Variants in WDFY3 observed in about 807,000 individuals in gnomAD.
The protein encoded by WDFY3 is WD repeat and FYVE domain-containing protein 3.
Under a neutral mutation model 409.6 loss-of-function variants are expected in WDFY3, and 66 were observed. That is an observed-to-expected ratio of 0.16 (90% CI 0.13 to 0.20). The LOEUF is 0.20. WDFY3 is among the 10% of genes least tolerant of loss of function. WDFY3 has a pLI of 1.00. For synonymous variants in WDFY3, 1,521 were observed against 1,537.1 expected (o/e 0.99, Z 0.25); for missense variants, 3,031 against 4,298.1 (o/e 0.71, Z 8.24).
intron 64 of WDFY3, among the ~76,000 whole-genome samples, chr4:84,679,841 T>TACACACACAC (rs954549793): frequency 2.8e-5 from 4 of 141,248 alleles, no homozygotes; most frequent in African/African-American, 1.1e-4. Flanking sequence ...TATATATATA[T>TACACACACAC]ACACACACAC....
chr4:84,694,203 T>C (rs1051855211), intron 58 of WDFY3, among the ~76,000 whole-genome samples: 5 of 152,244 alleles, frequency 3.3e-5, no homozygotes, highest in South Asian at 2.1e-4. Context: ...ATCAGGCTTC[T>C]ATAAAGATAC....
chr4:84,870,266 T>TA (rs1166870683), intron 3 of WDFY3, among the ~76,000 whole-genome samples: 3 of 152,134 alleles, frequency 2.0e-5, no homozygotes, highest in African/African-American at 4.8e-5. Context: ...CTCCTGTTCT[T>TA]ACACAAAAAA....
intron 13 of WDFY3, among the ~76,000 whole-genome samples, chr4:84,811,901 TA>T (rs1383474320): frequency 1.3e-5 from 2 of 152,214 alleles, no homozygotes; most frequent in Admixed American, 1.3e-4. Flanking sequence ...ATATATACCT[TA>T]TACACATAGC....
At chr4:84,860,854 A>G (rs1402273795) in intron 3 of WDFY3, among the ~76,000 whole-genome samples, 1 of 152,218 alleles carries the variant, frequency 6.6e-6, no homozygotes, top group African/African-American at 2.4e-5. Context: ...CAATTTGTAT[A>G]AAATGTAAAA....
rs545373334 is a variant in WDFY3 at position 84,890,508 on chromosome 4, C to T, written c.-32+6403G>A. Reference sequence around the variant, plus strand: ...AGAGATCCTAGTACCCAGTAATTATCCTGCTGGCTGCTGGGAGGCAGTGCA... The same window carrying T: ...AGAGATCCTAGTACCCAGTAATTATTCTGCTGGCTGCTGGGAGGCAGTGCA... On this transcript the variant is annotated intron_variant, in intron 3 of 67. Transcript: ENST00000295888. 1.5e-3 allele frequency among the ~76,000 whole-genome samples: 228 copies of T among 152,292 alleles called. No homozygotes were observed. In the Middle Eastern group the frequency reaches 0.017, roughly 11 times the overall value.
intron 13 of WDFY3, among the ~76,000 whole-genome samples, chr4:84,813,440 A>G (rs900940736): frequency 3.3e-5 from 5 of 152,158 alleles, no homozygotes; most frequent in African/African-American, 1.2e-4. Context: ...TCAGTTTCTA[A>G]TTATTTTCTG....
At position 84,671,496 on chromosome 4, in the gene WDFY3, A is replaced by T. The variant is rs1725442180; in HGVS notation, c.*1372T>A. 6.7e-6 allele frequency: 1 copy of T among 149,436 alleles called. No individual in the cohort carries two copies. The highest frequency in any genetic ancestry group is 2.1e-4 in the South Asian group (1 of 4,786). 9.3% of individuals were successfully genotyped at this position (149,436 alleles called of 1,614,324 possible). On this transcript the variant is annotated 3_prime_UTR_variant, in exon 68 of 68. Transcript: ENST00000295888. ...TTGTTTCATTTTTAATATATATTAT[A>T]TATATATATATATGTACATAACACA...
chr4:84,916,120 A>G (rs1318724369), intron 2 of WDFY3, among the ~76,000 whole-genome samples: 1 of 152,220 alleles, frequency 6.6e-6, no homozygotes, highest in Non-Finnish European at 1.5e-5. Context: ...GACAAGCTGT[A>G]ATTTCAGAAA....
At chr4:84,755,751 G>A (rs1404364191) in intron 33 of WDFY3, among the ~76,000 whole-genome samples, 2 of 151,980 alleles carry the variant, frequency 1.3e-5, no homozygotes, top group African/African-American at 4.8e-5. Flanking sequence ...TTTAAACAAA[G>A]CACATTAAGC....
intron 3 of WDFY3, among the ~76,000 whole-genome samples, chr4:84,880,882 T>C (rs1157322922): frequency 6.7e-6 from 1 of 150,036 alleles, no homozygotes; most frequent in Non-Finnish European, 1.5e-5. Context: ...CATGCCCAGC[T>C]AATTTATTTA....
At chr4:84,950,676 G>A (rs1199543812) in intron 1 of WDFY3, among the ~76,000 whole-genome samples, 1 of 152,136 alleles carries the variant, frequency 6.6e-6, no homozygotes, top group Non-Finnish European at 1.5e-5. Flanking sequence ...TGTAGTCCCA[G>A]CTACTTGGGA....
At chr4:84,862,845 C>A (rs1760844629) in intron 3 of WDFY3, among the ~76,000 whole-genome samples, 2 of 152,136 alleles carry the variant, frequency 1.3e-5, no homozygotes, top group Non-Finnish European at 2.9e-5. Flanking sequence ...AAAAAATTAG[C>A]CGGGCGTGGT....
chr4:84,796,722 C>T lies in WDFY3; in HGVS notation c.2966G>A (p.Gly989Asp), dbSNP rs1749512435. ...ATGTAAGCTAAAAACATTATCAGTA[C>T]CCAGACCTTCCAGAGATGTGATCAT... ...SSMITSLEGL[G>D]TDNVFSLHED... Residue 989 changes from glycine to aspartate, a missense_variant, in exon 19 of 68, where the codon GGT becomes GAT. Around this residue, in one of 16 missense-constraint regions of WDFY3, gnomAD observed 1,322 missense variants for 1,697.9 expected, o/e 0.78. Coordinates refer to ENST00000295888, the MANE Select transcript of WDFY3 (RefSeq NM_014991.6). 2.5e-6 allele frequency: 4 copies of T among 1,613,720 alleles called. No homozygotes were observed. The highest frequency in any genetic ancestry group is 1.1e-5 in the South Asian group (1 of 91,048).
rs1346552065 is a variant in WDFY3 at position 84,696,201 on chromosome 4, G to A, written c.8689-19C>T. On this transcript the variant is annotated intron_variant, in intron 57 of 67. Coordinates refer to ENST00000295888, the MANE Select transcript of WDFY3 (RefSeq NM_014991.6). ...CCAAAGCCTGTAATTTCAAACATAGGTTTAGTCACTGGCTGACTTCTATTA... is the reference window on the plus strand; with the variant it reads ...CCAAAGCCTGTAATTTCAAACATAGATTTAGTCACTGGCTGACTTCTATTA... 4 of 1,611,526 alleles carry A rather than the reference G, an allele frequency of 2.5e-6. No individual in the cohort carries two copies. The highest frequency in any genetic ancestry group is 3.4e-6 in the Non-Finnish European group (4 of 1,178,278).
intron 2 of WDFY3, among the ~76,000 whole-genome samples, chr4:84,901,850 T>A (rs1232355552): frequency 1.3e-5 from 2 of 152,200 alleles, no homozygotes; most frequent in Non-Finnish European, 2.9e-5. Flanking sequence ...TCTCAGTATT[T>A]CCCTGTGATT....
chr4:84,888,144 C>T (rs1328837928), intron 3 of WDFY3, among the ~76,000 whole-genome samples: 5 of 152,134 alleles, frequency 3.3e-5, no homozygotes, highest in Admixed American at 1.3e-4. Context: ...TTCAAATCTG[C>T]CACAATCCTA....
chr4:84,912,613 T>C (rs1012247742), intron 2 of WDFY3, among the ~76,000 whole-genome samples: 2 of 151,920 alleles, frequency 1.3e-5, no homozygotes, highest in Admixed American at 1.3e-4. Flanking sequence ...GGCATAAAAA[T>C]GTCAAGAGAA....
chr4:84,744,118 A>G (rs1191853876), intron 36 of WDFY3, among the ~76,000 whole-genome samples: 2 of 148,046 alleles, frequency 1.4e-5, no homozygotes, highest in East Asian at 3.9e-4. Context: ...TATAATATAT[A>G]AAACTATATA....
intron 3 of WDFY3, among the ~76,000 whole-genome samples, chr4:84,881,878 C>T (rs1249674794): frequency 1.3e-5 from 2 of 148,852 alleles, no homozygotes; most frequent in Non-Finnish European, 3.0e-5. Context: ...GAGACCCTGT[C>T]TCCAAAAAAA....
Sources: gnomAD v4.1 joint callset for allele counts (sites outside exome capture counted in the v4.1 genomes callset) on GRCh38, gnomAD v4.1.1 for gene constraint, gnomAD v4.1.1 regional missense constraint, MANE v1.5 for transcripts, NCBI Gene and HGNC (gene_info 2026-07-23, HGNC 2026-07-21) for gene names.